Variants in CHL1 observed in about 807,000 individuals in gnomAD.
CHL1 encodes neural cell adhesion molecule L1-like protein.
CHL1 carries 96 observed loss-of-function variants against 141.9 expected under a neutral mutation model. The observed-to-expected ratio is 0.68, with a 90% confidence interval of 0.57 to 0.80. The LOEUF is 0.80. Among genes scored for constraint, CHL1 ranks in the 30% least tolerant of loss-of-function variants. The probability of loss-of-function intolerance (pLI) is 0.00; values close to 1 mark genes in which losing one functional copy is unlikely to be tolerated. For missense variants in CHL1, 1,820 were observed against 1,457.2 expected (o/e 1.25, Z -4.05); for synonymous variants, 613 against 502.2 (o/e 1.22, Z -2.95).
Position 341,986 on chromosome 3 carries a change from G to A in CHL1, c.583G>A (p.Glu195Lys). 6.2e-7 allele frequency: 1 copy of A among 1,613,538 alleles called. No individual in the cohort carries two copies. Among genetic ancestry groups the A allele is most frequent in the Admixed American group, 1.7e-5 (1 of 59,968 alleles). Reference sequence around the variant, plus strand: ...AGATCTATACTTCGCAAACGTGGAAGAAAAGGACAGTCGCAATGACTACTG... The same window carrying A: ...AGATCTATACTTCGCAAACGTGGAAAAAAAGGACAGTCGCAATGACTACTG... ...KGDLYFANVE[E>K]KDSRNDYCCF... The change falls in exon 7 of 28, where the codon GAA (glutamate) becomes AAA (lysine). Residue 195 changes from glutamate (E) to lysine (K), a missense_variant. By Grantham distance (56) the Glu-to-Lys change is moderately conservative. Transcript: ENST00000256509.
intron 2 of CHL1, among the ~76,000 whole-genome samples, chr3:256,699 C>T (rs540896818): frequency 1.3e-5 from 2 of 152,262 alleles, no homozygotes; most frequent in African/African-American, 2.4e-5. Flanking sequence ...TATTAGTCAT[C>T]CTGGCCCATA....
At chr3:222,037 A>G (rs1225679832) in intron 1 of CHL1, among the ~76,000 whole-genome samples, 2 of 152,222 alleles carry the variant, frequency 1.3e-5, no homozygotes, top group Non-Finnish European at 1.5e-5. Flanking sequence ...TGTATGAACT[A>G]AAAAGAAGTA....
At chr3:353,051 C>G (rs1486138299) in intron 10 of CHL1, among the ~76,000 whole-genome samples, 1 of 152,112 alleles carries the variant, frequency 6.6e-6, no homozygotes, top group African/African-American at 2.4e-5. Context: ...GGCAACTTCT[C>G]CAAAGCTCAG....
intron 2 of CHL1, among the ~76,000 whole-genome samples, chr3:317,814 A>G (rs1375821697): frequency 6.6e-6 from 1 of 151,936 alleles, no homozygotes; most frequent in Non-Finnish European, 1.5e-5. Context: ...TTTGCTTTTT[A>G]TAATGAAAGC....
chr3:309,884 A>G (rs934891220), intron 2 of CHL1, among the ~76,000 whole-genome samples: 2 of 152,082 alleles, frequency 1.3e-5, no homozygotes, highest in Admixed American at 6.5e-5. Flanking sequence ...TATATATATT[A>G]TCCTTTAAAA....
At chr3:358,307 C>T (rs543560892) in intron 11 of CHL1, among the ~76,000 whole-genome samples, 1 of 152,144 alleles carries the variant, frequency 6.6e-6, no homozygotes, top group Non-Finnish European at 1.5e-5. Flanking sequence ...CTCTGACCAT[C>T]CTTCCATGGT....
chr3:240,600 TAA>T (rs1327714811), intron 1 of CHL1, among the ~76,000 whole-genome samples: 1 of 152,230 alleles, frequency 6.6e-6, no homozygotes, highest in Non-Finnish European at 1.5e-5. Context: ...GCTCTTTAAT[TAA>T]GTCCCACCTA....
intron 2 of CHL1, among the ~76,000 whole-genome samples, chr3:269,525 C>CTA (rs1273227218): frequency 1.8e-4 from 28 of 152,066 alleles, no homozygotes; most frequent in African/African-American, 3.6e-4. Context: ...AAGACTCTCT[C>CTA]TCTCTATATA....
intron 15 of CHL1, among the ~76,000 whole-genome samples, chr3:367,832 T>A (rs1391882): frequency 0.3 from 45,158 of 151,844 alleles, 6,918 homozygotes; most frequent in East Asian, 0.43. Context: ...GTGATTCACC[T>A]CTCTGTGTCC....
intron 26 of CHL1, among the ~76,000 whole-genome samples, chr3:400,127 G>T (rs1246754969): frequency 6.6e-6 from 1 of 152,118 alleles, no homozygotes; most frequent in Non-Finnish European, 1.5e-5. Flanking sequence ...CAAAGATTTA[G>T]GTTACACTGC....
At chr3:395,192 G>A (rs1708571373) in intron 24 of CHL1, among the ~76,000 whole-genome samples, 1 of 152,194 alleles carries the variant, frequency 6.6e-6, no homozygotes, top group South Asian at 2.1e-4. Context: ...CAAAAGGTTA[G>A]TAAAGGTACG....
At chr3:214,332 A>G (rs770100261) in intron 1 of CHL1, among the ~76,000 whole-genome samples, 27 of 152,300 alleles carry the variant, frequency 1.8e-4, no homozygotes, top group Non-Finnish European at 2.5e-4. Context: ...TCTAGACACA[A>G]TATGCATGTG....
At chr3:322,612 G>T (rs967834226) in intron 3 of CHL1, among the ~76,000 whole-genome samples, 2 of 141,478 alleles carry the variant, frequency 1.4e-5, no homozygotes, top group African/African-American at 2.7e-5. Context: ...CAAATGTAAT[G>T]AGACCTCATC....
intron 1 of CHL1, among the ~76,000 whole-genome samples, chr3:202,398 CATTAATTAT>C (rs1699034119): frequency 6.6e-6 from 1 of 152,176 alleles, no homozygotes; most frequent in South Asian, 2.1e-4. Flanking sequence ...TTGATTCCTA[CATTAATTAT>C]ATGCACATAT....
At position 394,823 on chromosome 3, in the gene CHL1, G is replaced by A. The variant is rs752478426; in HGVS notation, c.3045G>A (p.Gln1015=). The change falls in exon 24 of 28, where the codon CAG becomes CAA. Residue 1015 remains glutamine (Q), a synonymous_variant. Coordinates refer to ENST00000256509, the MANE Select transcript of CHL1 (RefSeq NM_006614.4). ...TCTACTTGAGGGCTTGCACTTCACA[G>A]GGCTGTGGAAAACCGATCACGGAGG... is the stretch of plus-strand genomic sequence containing the variant. ...YKFYLRACTS[Q]GCGKPITEES... The A allele has an allele frequency of 2.5e-6, 4 of 1,613,750 alleles. No individual in the cohort carries two copies. In the African/African-American group the frequency reaches 4.0e-5, roughly 16 times the overall value.
chr3:227,630 GC>G (rs1701474216), intron 1 of CHL1, among the ~76,000 whole-genome samples: 1 of 152,224 alleles, frequency 6.6e-6, no homozygotes, highest in South Asian at 2.1e-4. Context: ...CAGATTTAAT[GC>G]TGACATATCA....
At chr3:334,656 T>C (rs1288428148) in intron 5 of CHL1, among the ~76,000 whole-genome samples, 1 of 152,220 alleles carries the variant, frequency 6.6e-6, no homozygotes, top group Non-Finnish European at 1.5e-5. Flanking sequence ...ATGGATATCA[T>C]TTCCTGTTAA....
intron 4 of CHL1, 89 bp downstream of exon 4, chr3:326,153 T>C: frequency 1.3e-6 from 1 of 746,160 alleles, no homozygotes; most frequent in South Asian, 2.1e-5. Flanking sequence ...CCTGTTGGAC[T>C]ATGAATCCAC....
At chr3:261,534 G>A (rs1694723288) in intron 2 of CHL1, among the ~76,000 whole-genome samples, 1 of 151,968 alleles carries the variant, frequency 6.6e-6, no homozygotes, top group Non-Finnish European at 1.5e-5. Context: ...TACCTGTTTG[G>A]CCTCAAAAAG....
Sources: allele counts gnomAD v4.1 joint callset (sites outside exome capture counted in the v4.1 genomes callset), GRCh38; gene constraint gnomAD v4.1.1; transcripts MANE v1.5; gene names NCBI Gene and HGNC (gene_info 2026-07-23, HGNC 2026-07-21).